Variants in CADM2 observed in about 807,000 individuals in gnomAD.
The protein encoded by CADM2 is immunoglobulin superfamily member 4D.
In CADM2, 12 loss-of-function variants were observed where a neutral mutation model predicts 49.8. That is an observed-to-expected ratio of 0.24 (90% CI 0.15 to 0.39). The LOEUF is 0.39. CADM2 is among the 10% of genes least tolerant of loss of function. CADM2 has a pLI of 1.00. For missense variants in CADM2, 378 were observed against 492.3 expected (o/e 0.77, Z 2.20); for synonymous variants, 214 against 175.4 (o/e 1.22, Z -1.74).
intron 3 of CADM2, among the ~76,000 whole-genome samples, chr3:85,858,025 T>C (rs1003332706): frequency 6.6e-6 from 1 of 152,214 alleles, no homozygotes; most frequent in African/African-American, 2.4e-5. Flanking sequence ...CCTAATCATT[T>C]TACTTAGTTT....
chr3:85,199,760 G>A (rs927645994), intron 1 of CADM2, among the ~76,000 whole-genome samples: 13 of 151,652 alleles, frequency 8.6e-5, no homozygotes, highest in African/African-American at 2.9e-4. Flanking sequence ...AATTAAGTGG[G>A]GAAAACAAAC....
At chr3:85,681,304 T>G (rs1045879145) in intron 1 of CADM2, among the ~76,000 whole-genome samples, 1 of 152,176 alleles carries the variant, frequency 6.6e-6, no homozygotes, top group Non-Finnish European at 1.5e-5. Flanking sequence ...TCATTAGGCA[T>G]GCTGATTACA....
At chr3:85,533,316 T>C (rs2061358487) in intron 1 of CADM2, among the ~76,000 whole-genome samples, 3 of 152,178 alleles carry the variant, frequency 2.0e-5, no homozygotes, top group Admixed American at 2.0e-4. Flanking sequence ...AGGTAGTCTT[T>C]TTTGATGCAG....
At chr3:85,224,935 C>A (rs534763077) in intron 1 of CADM2, among the ~76,000 whole-genome samples, 1 of 152,014 alleles carries the variant, frequency 6.6e-6, no homozygotes, top group Non-Finnish European at 1.5e-5. Context: ...ATTCCTGAGG[C>A]CTCTGTTCTG....
chr3:85,485,413 A>C (rs2039377454), intron 1 of CADM2, among the ~76,000 whole-genome samples: 1 of 152,028 alleles, frequency 6.6e-6, no homozygotes, highest in Admixed American at 6.6e-5. Flanking sequence ...TTCACAGTTC[A>C]CTACACATAT....
chr3:85,595,721 G>A (rs905329517), intron 1 of CADM2, among the ~76,000 whole-genome samples: 4 of 151,884 alleles, frequency 2.6e-5, no homozygotes, highest in Non-Finnish European at 4.4e-5. Flanking sequence ...CACAAGGAGG[G>A]ACCATATAGT....
chr3:86,023,150 G>T (rs1009341569), intron 8 of CADM2, among the ~76,000 whole-genome samples: 1 of 150,568 alleles, frequency 6.6e-6, no homozygotes, highest in African/African-American at 2.4e-5. Context: ...AAAATGCAAT[G>T]TGCTACACAC....
intron 1 of CADM2, among the ~76,000 whole-genome samples, chr3:85,666,254 A>G (rs894943651): frequency 6.6e-6 from 1 of 152,006 alleles, no homozygotes; most frequent in African/African-American, 2.4e-5. Context: ...ACACAAACAA[A>G]TATCAATTGA....
At chr3:85,972,410 A>C (rs1442492142) in intron 8 of CADM2, among the ~76,000 whole-genome samples, 1 of 151,686 alleles carries the variant, frequency 6.6e-6, no homozygotes, top group Non-Finnish European at 1.5e-5. Context: ...CTCCACTAAT[A>C]ACTCTTAGTG....
intron 1 of CADM2, among the ~76,000 whole-genome samples, chr3:85,479,027 T>C (rs538296750): frequency 6.6e-6 from 1 of 151,958 alleles, no homozygotes; most frequent in Non-Finnish European, 1.5e-5. Flanking sequence ...AACTGAAGCT[T>C]CAACCTCCTG....
chr3:86,015,165 GA>G (rs1732055397), intron 8 of CADM2: 1 of 476,146 alleles, frequency 2.1e-6, no homozygotes, highest in Admixed American at 3.9e-5. Context: ...ATATTTTAAA[GA>G]AAAGCCATAT....
rs768891804 is a variant in CADM2, at chr3:85,077,409, CT to C, written c.61+117747del. The stretch of plus-strand genomic sequence containing the variant: ...AGCAATATTGTATCCAGATATCTCT[CT>C]TTTTTAATATAGCCCTACCATAACT... On this transcript the variant is annotated intron_variant, in intron 1 of 9. Transcript: ENST00000383699. Among the ~76,000 whole-genome samples the C allele has an allele frequency of 6.6e-5, 10 of 152,002 alleles. No individual in the cohort carries two copies. The East Asian group carries it at 1.5e-3, about 24-fold the overall frequency.
intron 8 of CADM2, among the ~76,000 whole-genome samples, chr3:86,000,032 G>T (rs948144121): frequency 1.3e-5 from 2 of 152,134 alleles, no homozygotes; most frequent in Non-Finnish European, 2.9e-5. Flanking sequence ...GCCACTAAGG[G>T]TTCAAGATGT....
chr3:86,068,342 C>T lies in CADM2; in HGVS notation c.*1559C>T, dbSNP rs1027661412. On this transcript the variant is annotated 3_prime_UTR_variant, in exon 10 of 10. Transcript: ENST00000383699. ...AATAAAATATTGTTAGATTAGTTCT[C>T]ATTAAATTTATTATATGCTAAAGAA... 1 of 151,826 alleles carries T rather than the reference C, an allele frequency of 6.6e-6. No homozygotes were observed. Among genetic ancestry groups the T allele is most frequent in the South Asian group, 2.1e-4 (1 of 4,826 alleles). The allele number at this position is 151,826 out of a possible 1,614,324, so 9.4% of individuals were successfully genotyped here.
intron 7 of CADM2, among the ~76,000 whole-genome samples, chr3:85,942,401 A>G (rs62261757): frequency 2.6e-5 from 4 of 151,746 alleles, no homozygotes; most frequent in East Asian, 1.9e-4. Flanking sequence ...AGTTACATAT[A>G]TATAAATGTG....
At chr3:85,417,851 C>G (rs1422226729) in intron 1 of CADM2, among the ~76,000 whole-genome samples, 2 of 152,026 alleles carry the variant, frequency 1.3e-5, no homozygotes, top group African/African-American at 2.4e-5. Flanking sequence ...CAAGAATAAC[C>G]TAGGGATCTT....
chr3:85,515,424 T>TG (rs1491346349), intron 1 of CADM2, among the ~76,000 whole-genome samples: 3 of 54,754 alleles, frequency 5.5e-5, no homozygotes, highest in African/African-American at 9.7e-5. Flanking sequence ...TTTGTTTGTT[T>TG]CTTTTTTTTT....
At chr3:85,052,084 A>G (rs541795850) in intron 1 of CADM2, among the ~76,000 whole-genome samples, 1 of 152,282 alleles carries the variant, frequency 6.6e-6, no homozygotes, top group East Asian at 1.9e-4. Flanking sequence ...AATCTAGAGG[A>G]GAAAACCCAT....
intron 3 of CADM2, among the ~76,000 whole-genome samples, chr3:85,843,137 C>G (rs1218533239): frequency 6.6e-6 from 1 of 152,068 alleles, no homozygotes; most frequent in Non-Finnish European, 1.5e-5. Context: ...CTAGACACAT[C>G]TTTTGAAAAA....
Sources: allele counts gnomAD v4.1 joint callset (sites outside exome capture counted in the v4.1 genomes callset), GRCh38; gene constraint gnomAD v4.1.1; transcripts MANE v1.5; gene names NCBI Gene and HGNC (gene_info 2026-07-23, HGNC 2026-07-21).